The following KLHL42 variants were observed in gnomAD, a reference collection of about 807,000 sequenced individuals.
KLHL42 encodes kelch-like protein 42.
KLHL42 carries 27 observed loss-of-function variants against 32.7 expected under a neutral mutation model. The ratio of observed to expected loss-of-function variants is 0.83; its 90% CI spans 0.61 to 1.14. The LOEUF (loss-of-function observed/expected upper bound fraction) is 1.14. KLHL42 is among the 50% of genes most tolerant of loss of function. KLHL42 has a pLI of 0.00. For missense variants in KLHL42, 491 were observed against 560.8 expected, an observed-to-expected ratio of 0.88 and a Z score of 1.26; for synonymous variants, 267 against 248.2, an observed-to-expected ratio of 1.08 and a Z score of -0.71.
chr12:27,793,346 C>T, intron 2 of KLHL42, among the ~76,000 whole-genome samples: 1 of 151,028 alleles, frequency 6.6e-6, no homozygotes, highest in Non-Finnish European at 1.5e-5. Context: ...TCAAGATAGG[C>T]CTGGTCAACA....
rs2062198633 is a variant in KLHL42, at chr12:27,791,843, G to A, written c.1008G>A (p.Glu336=). Residue 336 remains glutamate, a synonymous_variant, in exon 2 of 3, where the codon GAG becomes GAA. Coordinates refer to ENST00000381271, the MANE Select transcript of KLHL42 (RefSeq NM_020782.2). The part of the protein sequence containing the change: ...FVAPLPNPLA[E]FSACECKGKI... ...CGCCCTTACCCAATCCTCTGGCTGA[G>A]TTCTCTGCCTGTGAGTGTAAGGGAA... 6.2e-7 allele frequency: 1 copy of A among 1,614,188 alleles called. No homozygotes were observed. Among genetic ancestry groups the A allele is most frequent in the Non-Finnish European group, 8.5e-7 (1 of 1,180,024 alleles).
intron 2 of KLHL42, among the ~76,000 whole-genome samples, chr12:27,792,361 C>T (rs1012737342): frequency 6.6e-6 from 1 of 152,048 alleles, no homozygotes; most frequent in African/African-American, 2.4e-5. Flanking sequence ...CAGATTAGTT[C>T]TCATTTTCTC....
intron 1 of KLHL42, among the ~76,000 whole-genome samples, chr12:27,782,540 C>T (rs1319917836): frequency 6.6e-6 from 1 of 152,068 alleles, no homozygotes; most frequent in Non-Finnish European, 1.5e-5. Flanking sequence ...AAATTCTATG[C>T]ACTGTAATTG....
Position 27,780,735 on chromosome 12 carries a change from C to G in KLHL42, c.405C>G (p.Arg135=), listed in dbSNP as rs1362894274. The change falls in exon 1 of 3, where the codon CGC becomes CGG. Residue 135 remains arginine (R), a synonymous_variant. Transcript: ENST00000381271. The surrounding 1 kb of genome is among the most constrained non-coding windows in gnomAD (Gnocchi z 8.8). ...TCAATAACTGCCTGGAGATGTACCGCCTGGCGCAGGTGTACGGGCTGCCCG... is the reference window on the plus strand; with the variant it reads ...TCAATAACTGCCTGGAGATGTACCGGCTGGCGCAGGTGTACGGGCTGCCCG... ...VRLNNCLEMY[R]LAQVYGLPDL... is the part of the protein sequence containing the mutation. 6.2e-7 allele frequency: 1 copy of G among 1,613,358 alleles called. No homozygotes were observed. The highest frequency in any genetic ancestry group is 1.1e-5 in the South Asian group (1 of 91,084).
chr12:27,783,320 A>G (rs531658468), intron 1 of KLHL42, among the ~76,000 whole-genome samples: 1 of 152,290 alleles, frequency 6.6e-6, no homozygotes, highest in East Asian at 1.9e-4. Flanking sequence ...GAGGCAGAAG[A>G]AAATCTGAAT....
At position 27,799,239 on chromosome 12, in the gene KLHL42, T is replaced by C. The variant is rs923662064; in HGVS notation, c.*1073T>C. 2.6e-5 allele frequency: 4 copies of C among 152,188 alleles called. No individual in the cohort carries two copies. Among genetic ancestry groups the C allele is most frequent in the African/African-American group, 9.7e-5 (4 of 41,448 alleles). The allele number at this position is 152,188 out of a possible 1,614,324, so 9.4% of individuals were successfully genotyped here. On this transcript the variant is annotated 3_prime_UTR_variant, in exon 3 of 3. Coordinates refer to ENST00000381271, the MANE Select transcript of KLHL42 (RefSeq NM_020782.2). ...GTTACAGAAGTGGAATGGTTTCTGG[T>C]GGTATTTCTGAAGTTAGGTAAAGTG...
chr12:27,789,222 T>C lies in KLHL42; in HGVS notation c.873-2486T>C, dbSNP rs76186534. Among the ~76,000 whole-genome samples the C allele has an allele frequency of 3.2e-4, 49 of 152,336 alleles. 1 individual carries two copies. In the East Asian group the frequency reaches 9.2e-3, roughly 29 times the overall value. The stretch of plus-strand genomic sequence containing the variant: ...TTCAGCTCTTACTGCATGCCAGATA[T>C]TGTGCCCTTCTTATCCCTACTTAAC... On this transcript the variant is annotated intron_variant, in intron 1 of 2. Coordinates refer to ENST00000381271, the MANE Select transcript of KLHL42 (RefSeq NM_020782.2).
At position 27,780,607 on chromosome 12, in the gene KLHL42, G is replaced by A; in HGVS notation, c.277G>A (p.Asp93Asn). Residue 93 changes from aspartate to asparagine, a missense_variant, in exon 1 of 3, where the codon GAC (aspartate) becomes AAC (asparagine). Transcript: ENST00000381271. This position sits in a 1 kb window ranked among gnomAD's most constrained non-coding sequence, Gnocchi z 8.8. Reference sequence around the variant, plus strand: ...GGAAAAGGGCGGCGGGGTGGACGAGGACGAGGAGATGGATGAGGTGAGCCT... The same window carrying A: ...GGAAAAGGGCGGCGGGGTGGACGAGAACGAGGAGATGGATGAGGTGAGCCT... ...RGEKGGGVDE[D>N]EEMDEVSLLS... The A allele has an allele frequency of 6.4e-7, 1 of 1,551,886 alleles. No individual in the cohort carries two copies. Among genetic ancestry groups the A allele is most frequent in the East Asian group, 2.3e-5 (1 of 44,330 alleles).
intron 1 of KLHL42, among the ~76,000 whole-genome samples, chr12:27,783,370 G>C (rs2062156996): frequency 6.6e-6 from 1 of 152,078 alleles, no homozygotes; most frequent in Non-Finnish European, 1.5e-5. Flanking sequence ...GTTATTAAAG[G>C]ATCAGCTGTA....
intron 1 of KLHL42, among the ~76,000 whole-genome samples, chr12:27,787,066 T>A (rs780701398): frequency 6.6e-6 from 1 of 152,040 alleles, no homozygotes; most frequent in Non-Finnish European, 1.5e-5. Context: ...CTGGAGAAGA[T>A]AGTGGGTGCT....
At chr12:27,781,875 G>A (rs915085966) in intron 1 of KLHL42, among the ~76,000 whole-genome samples, 1 of 152,116 alleles carries the variant, frequency 6.6e-6, no homozygotes, top group South Asian at 2.1e-4. Flanking sequence ...AATCTCTCCT[G>A]CCTCCAACAA....
In KLHL42 at chr12:27,780,912, T is replaced by A; in HGVS notation, c.582T>A (p.Pro194=). ...GGGAGGCCCGGATGACTGGGACTCCTGTCCTCGTGGCCCTCGGGGACTTCC... is the reference window on the plus strand; with the variant it reads ...GGGAGGCCCGGATGACTGGGACTCCAGTCCTCGTGGCCCTCGGGGACTTCC... ...RLREARMTGT[P]VLVALGDFLG... The change falls in exon 1 of 3, where the codon CCT becomes CCA. Residue 194 remains proline, a synonymous_variant. Transcript: ENST00000381271. The surrounding 1 kb of genome is among the most constrained non-coding windows in gnomAD (Gnocchi z 8.8). The A allele has an allele frequency of 6.2e-7, 1 of 1,608,098 alleles. No homozygotes were observed.
Position 27,800,279 on chromosome 12 carries a change from A to T in KLHL42, c.*2113A>T. 1 of 985,208 alleles carries T rather than the reference A, an allele frequency of 1.0e-6. No individual in the cohort carries two copies. Among genetic ancestry groups the T allele is most frequent in the African/African-American group, 1.7e-5 (1 of 57,252 alleles). 61.0% of individuals were successfully genotyped at this position (985,208 alleles called of 1,614,324 possible). On this transcript the variant is annotated 3_prime_UTR_variant, in exon 3 of 3. Transcript: ENST00000381271. Reference sequence around the variant, plus strand: ...CTAATGTTGACAATTAGATTCTTGGACCAAGTGAGGGTGTACTCTGATCCA... The same window carrying T: ...CTAATGTTGACAATTAGATTCTTGGTCCAAGTGAGGGTGTACTCTGATCCA...
At position 27,780,513 on chromosome 12, in the gene KLHL42, C is replaced by T; in HGVS notation, c.183C>T (p.Gly61=). ...VQQLRGLSAP[G]LRLVLDFINA... ...AGCTGCGCGGCCTCAGCGCGCCGGGCCTGCGGCTGGTGCTGGACTTCATCA... is the reference window on the plus strand; with the variant it reads ...AGCTGCGCGGCCTCAGCGCGCCGGGTCTGCGGCTGGTGCTGGACTTCATCA... Residue 61 remains glycine (G), a synonymous_variant, in exon 1 of 3, where the codon GGC becomes GGT. Coordinates refer to ENST00000381271, the MANE Select transcript of KLHL42 (RefSeq NM_020782.2). The surrounding 1 kb of genome is among the most constrained non-coding windows in gnomAD (Gnocchi z 8.8). 6.5e-7 allele frequency: 1 copy of T among 1,541,302 alleles called. No individual in the cohort carries two copies. The highest frequency in any genetic ancestry group is 8.7e-7 in the Non-Finnish European group (1 of 1,146,608).
rs1220072127 is a variant in KLHL42 at position 27,800,463 on chromosome 12, T to C, written c.*2297T>C. On this transcript the variant is annotated 3_prime_UTR_variant, in exon 3 of 3. Transcript: ENST00000381271. ...CCAGCAGTACGTGGGAAAGGTGGAATGTGCAATAGGAACAGATCTGTGCAT... is the reference window on the plus strand; with the variant it reads ...CCAGCAGTACGTGGGAAAGGTGGAACGTGCAATAGGAACAGATCTGTGCAT... 1 of 705,230 alleles carries C rather than the reference T, an allele frequency of 1.4e-6. No individual in the cohort carries two copies. Among genetic ancestry groups the C allele is most frequent in the Non-Finnish European group, 1.7e-6 (1 of 574,382 alleles). 43.7% of individuals were successfully genotyped at this position (705,230 alleles called of 1,614,324 possible).
chr12:27,793,256 T>A (rs571120445), intron 2 of KLHL42, among the ~76,000 whole-genome samples: 1 of 149,146 alleles, frequency 6.7e-6, no homozygotes, highest in Admixed American at 6.7e-5. Context: ...ATGAAAAAAA[T>A]TAGCTGGATG....
At chr12:27,797,468 T>C (rs2062224293) in intron 2 of KLHL42, 2 of 556,080 alleles carry the variant, frequency 3.6e-6, no homozygotes, top group Non-Finnish European at 6.5e-6. Context: ...GAGCTGCGCT[T>C]TTTCCTGGTT....
chr12:27,783,368 A>C (rs1565481507), intron 1 of KLHL42, among the ~76,000 whole-genome samples: 2 of 152,178 alleles, frequency 1.3e-5, no homozygotes, highest in Non-Finnish European at 2.9e-5. Flanking sequence ...GTGTTATTAA[A>C]GGATCAGCTG....
At position 27,791,891 on chromosome 12, in the gene KLHL42, C is replaced by T. The variant is rs146927568; in HGVS notation, c.1056C>T (p.Tyr352=). 3.3e-4 allele frequency: 531 copies of T among 1,613,894 alleles called. 2 individuals are homozygous for T. The Middle Eastern group carries it at 7.2e-3, about 22-fold the overall frequency. The change falls in exon 2 of 3, where the codon TAC becomes TAT. Residue 352 remains tyrosine (Y), a synonymous_variant. Coordinates refer to ENST00000381271, the MANE Select transcript of KLHL42 (RefSeq NM_020782.2). ...CKGKIYVIGG[Y]TTRDRNMNIL... is the part of the protein sequence containing the mutation. ...GAAAAATTTATGTCATTGGAGGATA[C>T]ACTACCAGAGGTAAGTGAAGGGACC...
Sources: allele counts gnomAD v4.1 joint callset (sites outside exome capture counted in the v4.1 genomes callset), GRCh38; gene constraint gnomAD v4.1.1; non-coding constraint Gnocchi (gnomAD v3.1); transcripts MANE v1.5; gene names NCBI Gene and HGNC (gene_info 2026-07-23, HGNC 2026-07-21).